GOLGA6L10: variants seen among roughly 807,000 people sequenced by gnomAD.
The protein encoded by GOLGA6L10 is golgin subfamily A member 6-like protein 10.
GOLGA6L10 carries 4 observed loss-of-function variants against 56.9 expected under a neutral mutation model. The observed-to-expected ratio is 0.07, with a 90% CI of 0.03 to 0.16. The LOEUF (loss-of-function observed/expected upper bound fraction) is 0.16, where lower values mean the gene tolerates loss of function less well. Among genes scored for constraint, GOLGA6L10 ranks in the 10% least tolerant of loss-of-function variants. The pLI, the probability that GOLGA6L10 is intolerant of heterozygous loss-of-function variation, is 1.00. For missense variants in GOLGA6L10, 34 were observed against 558.3 expected (o/e 0.06, Z 9.46); for synonymous variants, 11 against 220.9 (o/e 0.05, Z 8.43).
At chr15:82,344,011 T>C (rs1314028280) in intron 7 of GOLGA6L10, among the ~76,000 whole-genome samples, 15 of 150,386 alleles carry the variant, frequency 1.0e-4, no homozygotes, top group African/African-American at 7.6e-5. Context: ...TCCTCTGTGA[T>C]TGGGGGGCTC....
At chr15:82,348,135 C>T (rs1207459314) in intron 1 of GOLGA6L10, among the ~76,000 whole-genome samples, 21 of 152,008 alleles carry the variant, frequency 1.4e-4, no homozygotes, top group South Asian at 4.2e-4. Flanking sequence ...GTCTGGTATA[C>T]GCTTGGAAAC....
rs2075643294 is a variant in GOLGA6L10 at position 82,342,067 on chromosome 15, C to G, written c.*709G>C. ...TGCACACACCTGCCAAAGCAGGCCA[C>G]TTTCCTCTTCTGGGAGATTTAAAAA... On this transcript the variant is annotated 3_prime_UTR_variant, in exon 9 of 9. Transcript: ENST00000610657. The G allele has an allele frequency of 7.0e-6, 1 of 142,076 alleles. No individual in the cohort carries two copies. The highest frequency in any genetic ancestry group is 2.9e-5 in the African/African-American group (1 of 34,688). 8.8% of individuals were successfully genotyped at this position (142,076 alleles called of 1,614,324 possible). A position where few individuals can be genotyped will look rare whatever the true frequency, so the allele number is the denominator to read the frequency against.
At chr15:82,344,076 A>G (rs2075659356) in intron 7 of GOLGA6L10, among the ~76,000 whole-genome samples, 185 bp downstream of exon 7, 1 of 150,186 alleles carries the variant, frequency 6.7e-6, no homozygotes, top group Non-Finnish European at 1.5e-5. Context: ...CCCCAGGGCT[A>G]CCCACCTCTA....
rs2075635979 is a variant in GOLGA6L10 at position 82,340,360 on chromosome 15, T to G, written c.*2416A>C. ...GAATCTATTTTGGATAGGGTTGATT[T>G]ACATTTTCACATTTTCTAAAAATCA... On this transcript the variant is annotated 3_prime_UTR_variant, in exon 9 of 9. Transcript: ENST00000610657. 6.6e-6 allele frequency: 1 copy of G among 151,562 alleles called. No homozygotes were observed. The highest frequency in any genetic ancestry group is 2.1e-4 in the South Asian group (1 of 4,786). 9.4% of individuals were successfully genotyped at this position (151,562 alleles called of 1,614,324 possible).
At position 82,340,431 on chromosome 15, in the gene GOLGA6L10, C is replaced by T. The variant is rs1158292457; in HGVS notation, c.*2345G>A. 2.6e-5 allele frequency: 4 copies of T among 151,420 alleles called. No homozygotes were observed. The highest frequency in any genetic ancestry group is 9.7e-5 in the African/African-American group (4 of 41,350). The allele number at this position is 151,420 out of a possible 1,614,324, so 9.4% of individuals were successfully genotyped here. On this transcript the variant is annotated 3_prime_UTR_variant, in exon 9 of 9. Transcript: ENST00000610657. ...TGTTTTTCATTTCAGGAAAACCTAT[C>T]AGGTTTAATCTATTACTTTAAAAAT...
In GOLGA6L10 at chr15:82,340,894, T is replaced by G. The variant is rs2141422257; in HGVS notation, c.*1882A>C. On this transcript the variant is annotated 3_prime_UTR_variant, in exon 9 of 9. Coordinates refer to ENST00000610657, the MANE Select transcript of GOLGA6L10 (RefSeq NM_001164465.3). ...GATTGGTTACAGTTGCTAAACGCTATCTGAAGGTCATTCCTAGTCATTTAT... is the reference window on the plus strand; with the variant it reads ...GATTGGTTACAGTTGCTAAACGCTAGCTGAAGGTCATTCCTAGTCATTTAT... The G allele has an allele frequency of 6.6e-6, 1 of 152,398 alleles. No homozygotes were observed. The highest frequency in any genetic ancestry group is 1.5e-5 in the Non-Finnish European group (1 of 68,040). 9.4% of individuals were successfully genotyped at this position (152,398 alleles called of 1,614,324 possible).
chr15:82,341,014 A>G lies in GOLGA6L10; in HGVS notation c.*1762T>C, dbSNP rs1409842344. 1 of 151,988 alleles carries G rather than the reference A, an allele frequency of 6.6e-6. No individual in the cohort carries two copies. Among genetic ancestry groups the G allele is most frequent in the Non-Finnish European group, 1.5e-5 (1 of 67,956 alleles). The allele number at this position is 151,988 out of a possible 1,614,324, so 9.4% of individuals were successfully genotyped here. On this transcript the variant is annotated 3_prime_UTR_variant, in exon 9 of 9. Coordinates refer to ENST00000610657, the MANE Select transcript of GOLGA6L10 (RefSeq NM_001164465.3). ...GATAAGCTCAGTTTCAGAATGATAA[A>G]CAAAAACTGTTAGACCAAATAACGT...
At position 82,339,994 on chromosome 15, in the gene GOLGA6L10, T is replaced by A. The variant is rs1709754459; in HGVS notation, c.*2782A>T. The A allele has an allele frequency of 6.6e-6, 1 of 150,630 alleles. No individual in the cohort carries two copies. The highest frequency in any genetic ancestry group is 2.4e-5 in the African/African-American group (1 of 41,390). 9.3% of individuals were successfully genotyped at this position (150,630 alleles called of 1,614,324 possible). A position where few individuals can be genotyped will look rare whatever the true frequency, so the allele number is the denominator to read the frequency against. ...CTATAGTTTTCAAGACACACAAAATTTTTAGGCAAAACAGCACCTTGAAAC... is the reference window on the plus strand; with the variant it reads ...CTATAGTTTTCAAGACACACAAAATATTTAGGCAAAACAGCACCTTGAAAC... On this transcript the variant is annotated 3_prime_UTR_variant, in exon 9 of 9. Coordinates refer to ENST00000610657, the MANE Select transcript of GOLGA6L10 (RefSeq NM_001164465.3).
In GOLGA6L10 at chr15:82,341,015, C is replaced by G. The variant is rs1417824331; in HGVS notation, c.*1761G>C. 7 of 151,822 alleles carry G rather than the reference C, an allele frequency of 4.6e-5. No individual in the cohort carries two copies. Among genetic ancestry groups the G allele is most frequent in the Admixed American group, 4.6e-4 (7 of 15,212 alleles). 9.4% of individuals were successfully genotyped at this position (151,822 alleles called of 1,614,324 possible). On this transcript the variant is annotated 3_prime_UTR_variant, in exon 9 of 9. Coordinates refer to ENST00000610657, the MANE Select transcript of GOLGA6L10 (RefSeq NM_001164465.3). ...ATAAGCTCAGTTTCAGAATGATAAACAAAAACTGTTAGACCAAATAACGTG... is the reference window on the plus strand; with the variant it reads ...ATAAGCTCAGTTTCAGAATGATAAAGAAAAACTGTTAGACCAAATAACGTG...
chr15:82,342,346 C>G lies in GOLGA6L10; in HGVS notation c.*430G>C, dbSNP rs1438936148. The G allele has an allele frequency of 4.1e-6, 1 of 242,654 alleles. No individual in the cohort carries two copies. Among genetic ancestry groups the G allele is most frequent in the Non-Finnish European group, 7.9e-6 (1 of 126,316 alleles). 15.0% of individuals were successfully genotyped at this position (242,654 alleles called of 1,614,324 possible). ...TTCCGTAATGAATATACAGGCTGTA[C>G]TAACATTAAAAAAGCATGGCAGCCT... is the stretch of plus-strand genomic sequence containing the variant. On this transcript the variant is annotated 3_prime_UTR_variant, in exon 9 of 9. Coordinates refer to ENST00000610657, the MANE Select transcript of GOLGA6L10 (RefSeq NM_001164465.3).
chr15:82,345,218 C>A lies in GOLGA6L10; in HGVS notation c.642G>T (p.Arg214Ser), dbSNP rs1370114207. ...QEERLHEQEE[R>S]LHEQEERLCE... ...ACAGCCTCTCCTCCTGTTCATGTAG[C>A]CTCTCCTCCTGTTCATGTAGCCTCT... The change falls in exon 6 of 9, where the codon AGG becomes AGT. Residue 214 changes from arginine (R) to serine (S), a missense_variant. Coordinates refer to ENST00000610657, the MANE Select transcript of GOLGA6L10 (RefSeq NM_001164465.3). 1 of 1,574,002 alleles carries A rather than the reference C, an allele frequency of 6.4e-7. No homozygotes were observed. The highest frequency in any genetic ancestry group is 1.5e-5 in the African/African-American group (1 of 68,018).
intron 2 of GOLGA6L10, among the ~76,000 whole-genome samples, 166 bp from the exon 3 acceptor site, chr15:82,347,052 TC>T (rs1309464174): frequency 6.6e-6 from 1 of 150,716 alleles, no homozygotes; most frequent in African/African-American, 2.5e-5. Context: ...GGTTCTTATC[TC>T]CCCACCATCC....
Position 82,340,921 on chromosome 15 carries a change from C to T in GOLGA6L10, c.*1855G>A, listed in dbSNP as rs1250185777. On this transcript the variant is annotated 3_prime_UTR_variant, in exon 9 of 9. Coordinates refer to ENST00000610657, the MANE Select transcript of GOLGA6L10 (RefSeq NM_001164465.3). ...TGAAGGTCATTCCTAGTCATTTATA[C>T]GTGTCAGGGTAAAAGTGAAGCGATT... is the stretch of plus-strand genomic sequence containing the variant. 1 of 152,292 alleles carries T rather than the reference C, an allele frequency of 6.6e-6. No individual in the cohort carries two copies. The highest frequency in any genetic ancestry group is 2.4e-5 in the African/African-American group (1 of 41,534). 9.4% of individuals were successfully genotyped at this position (152,292 alleles called of 1,614,324 possible). A position where few individuals can be genotyped will look rare whatever the true frequency, so the allele number is the denominator to read the frequency against.
chr15:82,339,999 G>C lies in GOLGA6L10; in HGVS notation c.*2777C>G, dbSNP rs1276012425. The C allele has an allele frequency of 6.6e-6, 1 of 150,550 alleles. No individual in the cohort carries two copies. The highest frequency in any genetic ancestry group is 1.5e-5 in the Non-Finnish European group (1 of 67,146). 9.3% of individuals were successfully genotyped at this position (150,550 alleles called of 1,614,324 possible). A position where few individuals can be genotyped will look rare whatever the true frequency, so the allele number is the denominator to read the frequency against. On this transcript the variant is annotated 3_prime_UTR_variant, in exon 9 of 9. Coordinates refer to ENST00000610657, the MANE Select transcript of GOLGA6L10 (RefSeq NM_001164465.3). ...GTTTTCAAGACACACAAAATTTTTA[G>C]GCAAAACAGCACCTTGAAACAATCT...
rs1596065472 is a variant in GOLGA6L10 at position 82,344,290 on chromosome 15, T to G, written c.1304A>C (p.Glu435Ala). 1.3e-6 allele frequency: 2 copies of G among 1,550,350 alleles called. No individual in the cohort carries two copies. The highest frequency in any genetic ancestry group is 3.4e-5 in the Admixed American group (2 of 58,916). Residue 435 changes from glutamate (E) to alanine (A), a missense_variant, in exon 7 of 9, where the codon GAG (glutamate) becomes GCG (alanine). Physicochemically the swap from Glu to Ala is moderately radical, Grantham distance 107. Coordinates refer to ENST00000610657, the MANE Select transcript of GOLGA6L10 (RefSeq NM_001164465.3). ...CTTCTCCAGCTCCTTTACTTGCTGC[T>G]CCAACTGCAGTGTGCTCTTGTTCTC... ...NNENKSTLQL[E>A]QQVKELEKSG...
At position 82,341,945 on chromosome 15, in the gene GOLGA6L10, G is replaced by T. The variant is rs1223751455; in HGVS notation, c.*831C>A. ...TACAACTGCCACAGCTCATGAGGCA[G>T]TATCTTCATGAGCCCAGAGCACATA... On this transcript the variant is annotated 3_prime_UTR_variant, in exon 9 of 9. Coordinates refer to ENST00000610657, the MANE Select transcript of GOLGA6L10 (RefSeq NM_001164465.3). The T allele has an allele frequency of 9.1e-6, 1 of 109,892 alleles. No homozygotes were observed. Among genetic ancestry groups the T allele is most frequent in the East Asian group, 2.5e-4 (1 of 3,940 alleles). 6.8% of individuals were successfully genotyped at this position (109,892 alleles called of 1,614,324 possible).
rs1360450936 is a variant in GOLGA6L10 at position 82,340,081 on chromosome 15, C to T, written c.*2695G>A. 1 of 151,376 alleles carries T rather than the reference C, an allele frequency of 6.6e-6. No homozygotes were observed. Among genetic ancestry groups the T allele is most frequent in the Non-Finnish European group, 1.5e-5 (1 of 67,640 alleles). 9.4% of individuals were successfully genotyped at this position (151,376 alleles called of 1,614,324 possible). A position where few individuals can be genotyped will look rare whatever the true frequency, so the allele number is the denominator to read the frequency against. On this transcript the variant is annotated 3_prime_UTR_variant, in exon 9 of 9. Coordinates refer to ENST00000610657, the MANE Select transcript of GOLGA6L10 (RefSeq NM_001164465.3). ...AAGCAGTCAATAATGCCACTTTAGA[C>T]AAAAATCAGTATTTCCATCATGCAT...
chr15:82,343,954 G>A (rs1424784478), intron 7 of GOLGA6L10, among the ~76,000 whole-genome samples: 265 of 147,716 alleles, frequency 1.8e-3, no homozygotes, highest in Middle Eastern at 3.4e-3. Context: ...GATTGCAGGC[G>A]TGAGCCACCA....
chr15:82,342,190 C>A lies in GOLGA6L10; in HGVS notation c.*586G>T, dbSNP rs1404036714. On this transcript the variant is annotated 3_prime_UTR_variant, in exon 9 of 9. Coordinates refer to ENST00000610657, the MANE Select transcript of GOLGA6L10 (RefSeq NM_001164465.3). ...CTTTAAACAACTGTAAATGTCAGTA[C>A]TCACAGTGGCATATTACAAAGTAAT... 2 of 170,428 alleles carry A rather than the reference C, an allele frequency of 1.2e-5. No individual in the cohort carries two copies. The highest frequency in any genetic ancestry group is 2.5e-5 in the Non-Finnish European group (2 of 79,338). 10.6% of individuals were successfully genotyped at this position (170,428 alleles called of 1,614,324 possible).
Sources: gnomAD v4.1 joint callset for allele counts (sites outside exome capture counted in the v4.1 genomes callset) on GRCh38, gnomAD v4.1.1 for gene constraint, MANE v1.5 for transcripts, NCBI Gene and HGNC (gene_info 2026-07-23, HGNC 2026-07-21) for gene names.